LRP1B: variants seen among roughly 807,000 people sequenced by gnomAD.
LRP1B encodes LDL receptor related protein 1B.
In LRP1B, 217 loss-of-function variants were observed where a neutral mutation model predicts 556.6. The ratio of observed to expected loss-of-function variants is 0.39; its 90% CI spans 0.35 to 0.44. LRP1B has a LOEUF of 0.44. Among genes scored for constraint, LRP1B ranks in the 20% least tolerant of loss-of-function variants. The probability of loss-of-function intolerance (pLI) is 1.00; values close to 1 mark genes in which losing one functional copy is unlikely to be tolerated. For missense variants in LRP1B, 5,053 were observed against 5,620.8 expected, an observed-to-expected ratio of 0.90 and a Z score of 3.23; for synonymous variants, 2,047 against 1,865.8, an observed-to-expected ratio of 1.10 and a Z score of -2.50.
intron 1 of LRP1B, among the ~76,000 whole-genome samples, chr2:141,912,054 T>C (rs932859037): frequency 2.6e-5 from 4 of 152,202 alleles, no homozygotes; most frequent in African/African-American, 9.6e-5. Flanking sequence ...CCGCCATATA[T>C]TTTGGGACAT....
At chr2:141,230,665 ACTT>A (rs1448698121) in intron 5 of LRP1B, among the ~76,000 whole-genome samples, 2 of 152,134 alleles carry the variant, frequency 1.3e-5, no homozygotes, top group East Asian at 3.8e-4. Flanking sequence ...GACACACTGC[ACTT>A]CTTACTGTTC....
chr2:140,944,395 G>A (rs1695484645), intron 20 of LRP1B, among the ~76,000 whole-genome samples: 1 of 151,954 alleles, frequency 6.6e-6, no homozygotes, highest in Non-Finnish European at 1.5e-5. Context: ...TGCAGAGGAG[G>A]GACTCCTTTG....
chr2:141,251,473 GT>G (rs1217970285), intron 4 of LRP1B, among the ~76,000 whole-genome samples: 1 of 152,116 alleles, frequency 6.6e-6, no homozygotes, highest in Non-Finnish European at 1.5e-5. Context: ...GTGGATATTT[GT>G]TGTGAGTATT....
At chr2:140,752,954 TATA>T (rs1269665973) in intron 35 of LRP1B, among the ~76,000 whole-genome samples, 1 of 152,192 alleles carries the variant, frequency 6.6e-6, no homozygotes, top group Non-Finnish European at 1.5e-5. Context: ...TTGACAAATG[TATA>T]ATAACATGTA....
chr2:140,753,227 T>G (rs1252967359), intron 35 of LRP1B, among the ~76,000 whole-genome samples: 4 of 152,200 alleles, frequency 2.6e-5, no homozygotes, highest in Non-Finnish European at 2.9e-5. Context: ...CAATTGATGT[T>G]CAGCTGAATT....
chr2:140,646,026 A>T (rs947208022), intron 41 of LRP1B, among the ~76,000 whole-genome samples: 1 of 152,150 alleles, frequency 6.6e-6, no homozygotes, highest in Non-Finnish European at 1.5e-5. Context: ...ATAGACTCCA[A>T]TCAGTCATTA....
At chr2:140,930,359 C>T (rs1041496852) in intron 20 of LRP1B, among the ~76,000 whole-genome samples, 2 of 151,958 alleles carry the variant, frequency 1.3e-5, no homozygotes, top group Admixed American at 1.3e-4. Flanking sequence ...GGAAATATGG[C>T]AACTGCTAGT....
intron 1 of LRP1B, among the ~76,000 whole-genome samples, chr2:141,822,205 T>C (rs1221299677): frequency 2.6e-5 from 4 of 151,100 alleles, no homozygotes; most frequent in African/African-American, 9.8e-5. Flanking sequence ...AAAGGATATA[T>C]ATTCAGTGGA....
Position 140,501,887 on chromosome 2 carries a change from T to G in LRP1B, c.8663-13A>C, listed in dbSNP as rs759054021. ...TTGCATGACTGTTCTGGAAAAAAAA[T>G]AAAACAAATGGAACATAAAGGGCAT... On this transcript the variant is annotated splice_polypyrimidine_tract_variant and intron_variant, in intron 54 of 90. Coordinates refer to ENST00000389484, the MANE Select transcript of LRP1B (RefSeq NM_018557.3). The G allele has an allele frequency of 1.3e-6, 2 of 1,575,976 alleles. No individual in the cohort carries two copies. The highest frequency in any genetic ancestry group is 2.8e-5 in the African/African-American group (2 of 72,184).
At chr2:141,328,655 T>C (rs558850194) in intron 3 of LRP1B, among the ~76,000 whole-genome samples, 2 of 152,326 alleles carry the variant, frequency 1.3e-5, no homozygotes, top group Non-Finnish European at 2.9e-5. Context: ...GGTATTCATA[T>C]CTCACTCAGT....
intron 67 of LRP1B, among the ~76,000 whole-genome samples, chr2:140,384,247 AC>A (rs1683663337): frequency 6.6e-6 from 1 of 152,182 alleles, no homozygotes. Flanking sequence ...TAGATGATTA[AC>A]ACCAAATATA....
At chr2:140,249,417 C>A (rs1681308248) in intron 86 of LRP1B, among the ~76,000 whole-genome samples, 1 of 151,488 alleles carries the variant, frequency 6.6e-6, no homozygotes, top group Non-Finnish European at 1.5e-5. Context: ...GGCTTAGGGT[C>A]CAGTATTTAT....
chr2:142,067,971 A>C (rs942669639), intron 1 of LRP1B, among the ~76,000 whole-genome samples: 2 of 151,530 alleles, frequency 1.3e-5, no homozygotes, highest in Admixed American at 1.3e-4. Flanking sequence ...GGTACCTCCT[A>C]CAAGGAAGAG....
At chr2:140,957,667 T>G (rs1201370238) in intron 18 of LRP1B, among the ~76,000 whole-genome samples, 2 of 151,484 alleles carry the variant, frequency 1.3e-5, no homozygotes, top group Non-Finnish European at 3.0e-5. Flanking sequence ...TGTGAGTGAA[T>G]GATATATAAA....
chr2:140,597,401 A>ACCC (rs1386439484), intron 43 of LRP1B, among the ~76,000 whole-genome samples: 1 of 152,022 alleles, frequency 6.6e-6, no homozygotes, highest in African/African-American at 2.4e-5. Flanking sequence ...TGAGTTATAA[A>ACCC]CTCATTTTTT....
chr2:141,231,268 G>A (rs1683451523), intron 5 of LRP1B, among the ~76,000 whole-genome samples: 1 of 152,186 alleles, frequency 6.6e-6, no homozygotes, highest in South Asian at 2.1e-4. Flanking sequence ...TTTCTGGCAT[G>A]GGCCAGGATA....
At chr2:141,022,638 C>T in intron 11 of LRP1B, among the ~76,000 whole-genome samples, 1 of 151,890 alleles carries the variant, frequency 6.6e-6, no homozygotes, top group East Asian at 1.9e-4. Flanking sequence ...AATAATGACT[C>T]TATGAACAAA....
chr2:141,899,727 C>G (rs1433178850), intron 1 of LRP1B, among the ~76,000 whole-genome samples: 1 of 151,970 alleles, frequency 6.6e-6, no homozygotes, highest in Non-Finnish European at 1.5e-5. Context: ...GTAAATGAAA[C>G]AGAAGGGAAG....
chr2:140,535,580 C>A (rs996911305), intron 46 of LRP1B, among the ~76,000 whole-genome samples: 1 of 152,012 alleles, frequency 6.6e-6, no homozygotes, highest in Non-Finnish European at 1.5e-5. Flanking sequence ...AGGAGAAAAG[C>A]AGATATAAAA....
Sources: gnomAD v4.1 joint callset for allele counts (sites outside exome capture counted in the v4.1 genomes callset) on GRCh38, gnomAD v4.1.1 for gene constraint, MANE v1.5 for transcripts, NCBI Gene and HGNC (gene_info 2026-07-23, HGNC 2026-07-21) for gene names.